The following FN3K variants were observed in gnomAD, a reference collection of about 807,000 sequenced individuals.
The protein encoded by FN3K is fructosamine 3 kinase.
FN3K carries 24 observed loss-of-function variants against 24.8 expected under a neutral mutation model. The observed-to-expected ratio is 0.97, with a 90% CI of 0.70 to 1.36. The LOEUF is 1.36. Among genes scored for constraint, FN3K ranks in the 40% most tolerant of loss-of-function variants. FN3K has a pLI of 0.00. For missense variants in FN3K, 449 were observed against 416.7 expected, an observed-to-expected ratio of 1.08 and a Z score of -0.67; for synonymous variants, 192 against 175.2, an observed-to-expected ratio of 1.10 and a Z score of -0.76.
chr17:82,746,209 A>G (rs2143649877), intron 4 of FN3K, among the ~76,000 whole-genome samples: 1 of 151,848 alleles, frequency 6.6e-6, no homozygotes, highest in East Asian at 1.9e-4. Context: ...AACACTTGAG[A>G]TTTTTTGTTT....
chr17:82,741,804 G>A (rs536520315), intron 4 of FN3K, among the ~76,000 whole-genome samples: 37 of 152,338 alleles, frequency 2.4e-4, no homozygotes, highest in African/African-American at 7.2e-4. Context: ...ATTCACATAA[G>A]ATCCACCATT....
At chr17:82,741,845 A>G (rs2046942576) in intron 4 of FN3K, among the ~76,000 whole-genome samples, 1 of 152,250 alleles carries the variant, frequency 6.6e-6, no homozygotes, top group African/African-American at 2.4e-5. Flanking sequence ...GGTTTTTAGT[A>G]CATTCGTGAT....
intron 4 of FN3K, among the ~76,000 whole-genome samples, chr17:82,747,765 A>G (rs980900542): frequency 6.6e-6 from 1 of 152,026 alleles, no homozygotes. Context: ...ATTTATTGAG[A>G]TCTGTTTGCA....
chr17:82,740,169 G>A (rs2046932774), intron 2 of FN3K, among the ~76,000 whole-genome samples: 1 of 152,080 alleles, frequency 6.6e-6, no homozygotes, highest in Non-Finnish European at 1.5e-5. Flanking sequence ...CCAAAGTCCT[G>A]GTACTATAGG....
intron 1 of FN3K, chr17:82,735,980 C>A: frequency 1.5e-6 from 1 of 647,870 alleles, no homozygotes; most frequent in Non-Finnish European, 2.6e-6. Flanking sequence ...TTCCTTTGGC[C>A]TCCATGCGCA....
At chr17:82,741,654 A>G in intron 4 of FN3K, 1 of 444,758 alleles carries the variant, frequency 2.2e-6, no homozygotes, top group Non-Finnish European at 4.2e-6. Context: ...GTTGTGTTGC[A>G]CAAGGCTCCT....
chr17:82,736,699 AG>A (rs982154052), intron 1 of FN3K, among the ~76,000 whole-genome samples: 30 of 152,266 alleles, frequency 2.0e-4, no homozygotes, highest in Admixed American at 1.6e-3. Context: ...GAGGGGCAGC[AG>A]GGGTCCTGGT....
intron 1 of FN3K, chr17:82,736,042 G>T (rs1312315232): frequency 6.8e-6 from 3 of 441,746 alleles, no homozygotes; most frequent in Non-Finnish European, 1.2e-5. Flanking sequence ...CAAGCGTCGG[G>T]GGATGTGAGG....
intron 4 of FN3K, among the ~76,000 whole-genome samples, chr17:82,748,173 A>T: frequency 6.9e-6 from 1 of 145,004 alleles, no homozygotes. Flanking sequence ...TTTGAGATAG[A>T]GTTTCACTCT....
At chr17:82,744,713 CGTGG>C (rs1224674739) in intron 4 of FN3K, among the ~76,000 whole-genome samples, 4 of 151,830 alleles carry the variant, frequency 2.6e-5, no homozygotes, top group African/African-American at 4.9e-5. Flanking sequence ...ATTGATCATT[CGTGG>C]GTGTTTCTCC....
chr17:82,736,027 T>A, intron 1 of FN3K: 1 of 473,578 alleles, frequency 2.1e-6, no homozygotes, highest in Non-Finnish European at 3.8e-6. Context: ...AACTTTCCTA[T>A]CCAGCAAGCG....
At chr17:82,740,420 CAAAAAAAAAAAA>C (rs71369031) in intron 2 of FN3K, among the ~76,000 whole-genome samples, 10 of 73,122 alleles carry the variant, frequency 1.4e-4, no homozygotes, top group African/African-American at 4.5e-4. Flanking sequence ...CCCATCTCTA[CAAAAAAAAAAAA>C]AAAAAAAAAA....
intron 2 of FN3K, among the ~76,000 whole-genome samples, chr17:82,740,411 C>A (rs1409983213): frequency 7.1e-6 from 1 of 140,416 alleles, no homozygotes; most frequent in Non-Finnish European, 1.5e-5. Context: ...GGAGGAGACC[C>A]CATCTCTACA....
intron 1 of FN3K, chr17:82,736,617 A>T (rs919227525): frequency 6.6e-6 from 1 of 152,206 alleles, no homozygotes; most frequent in Non-Finnish European, 1.5e-5. Flanking sequence ...AGGTGGAGAA[A>T]GGCAGGCCTG....
chr17:82,748,702 C>T (rs952819266), intron 4 of FN3K, among the ~76,000 whole-genome samples, 153 bp from the exon 5 acceptor site: 16 of 152,106 alleles, frequency 1.1e-4, no homozygotes, highest in Admixed American at 3.3e-4. Flanking sequence ...CTCTCTTTAC[C>T]TGCCTTCCTC....
intron 4 of FN3K, chr17:82,745,445 CTTCT>C (rs1598342731): frequency 6.6e-6 from 1 of 152,574 alleles, no homozygotes; most frequent in Non-Finnish European, 1.5e-5. Context: ...CCTATGTCTA[CTTCT>C]TTCTACACAG....
chr17:82,742,771 A>G (rs529845841), intron 4 of FN3K: 2 of 448,020 alleles, frequency 4.5e-6, no homozygotes, highest in African/African-American at 2.0e-5. Context: ...CACAGCACCC[A>G]TTATATAAGA....
At chr17:82,741,075 C>G in intron 3 of FN3K, 1 of 659,574 alleles carries the variant, frequency 1.5e-6, no homozygotes, top group South Asian at 1.7e-5. Flanking sequence ...GCCCTCCTGT[C>G]TGGTGTGCTT....
At chr17:82,746,425 G>A (rs138639125) in intron 4 of FN3K, among the ~76,000 whole-genome samples, 38 of 152,028 alleles carry the variant, frequency 2.5e-4, no homozygotes, top group Middle Eastern at 3.4e-3. Context: ...ATTTCTTTGC[G>A]TATTTAGGAT....
Sources: allele counts gnomAD v4.1 joint callset (sites outside exome capture counted in the v4.1 genomes callset), GRCh38; gene constraint gnomAD v4.1.1; transcripts MANE v1.5; gene names NCBI Gene and HGNC (gene_info 2026-07-23, HGNC 2026-07-21).